LRRC4C: variants seen among roughly 807,000 people sequenced by gnomAD.
LRRC4C encodes the protein leucine-rich repeat-containing protein 4C.
Under a neutral mutation model 33.6 loss-of-function variants are expected in LRRC4C, and 5 were observed. That is an observed-to-expected ratio of 0.15 (90% confidence interval 0.08 to 0.31). The LOEUF is 0.31. Ranked by LOEUF, LRRC4C falls within the 10% of genes least tolerant of loss-of-function variation. LRRC4C has a pLI of 1.00. For missense variants in LRRC4C, 560 were observed against 796.7 expected, an observed-to-expected ratio of 0.70 and a Z score of 3.58; for synonymous variants, 329 against 302.0, an observed-to-expected ratio of 1.09 and a Z score of -0.93.
intron 1 of LRRC4C, among the ~76,000 whole-genome samples, chr11:41,401,061 GATAA>G: frequency 6.6e-6 from 1 of 151,928 alleles, no homozygotes; most frequent in Admixed American, 6.6e-5. Context: ...ATTGTAATAT[GATAA>G]AGAGAAGACT....
chr11:40,757,391 A>T (rs1415400576), intron 2 of LRRC4C, among the ~76,000 whole-genome samples: 1 of 152,046 alleles, frequency 6.6e-6, no homozygotes, highest in Non-Finnish European at 1.5e-5. Context: ...GTACCCATGG[A>T]TGAATATTCA....
chr11:41,203,900 C>T (rs184509440), intron 1 of LRRC4C, among the ~76,000 whole-genome samples: 28 of 152,256 alleles, frequency 1.8e-4, no homozygotes, highest in Admixed American at 2.6e-4. Context: ...TCTGGAAAAT[C>T]GCTGACAGGT....
chr11:41,281,042 T>TTCTCTCTCTCTCTCTCTCTCTCTCTCTC (rs71063910), intron 1 of LRRC4C, among the ~76,000 whole-genome samples: 2 of 76,216 alleles, frequency 2.6e-5, no homozygotes, highest in Non-Finnish European at 4.7e-5. Context: ...AATACATATT[T>TTCTCTCTCTCTCTCTCTCTCTCTCTCTC]TCTCTCTCTC....
intron 2 of LRRC4C, among the ~76,000 whole-genome samples, chr11:40,894,106 T>C (rs1045591049): frequency 2.0e-5 from 3 of 152,280 alleles, no homozygotes; most frequent in Non-Finnish European, 4.4e-5. Context: ...GATCAATTTT[T>C]TCCTTACCTA....
chr11:40,380,228 A>T (rs912718536), intron 3 of LRRC4C, among the ~76,000 whole-genome samples: 1 of 152,190 alleles, frequency 6.6e-6, no homozygotes, highest in Non-Finnish European at 1.5e-5. Context: ...GGCGTTCTAG[A>T]TGGAGAGAAC....
intron 1 of LRRC4C, among the ~76,000 whole-genome samples, chr11:41,347,709 G>A (rs1045536850): frequency 2.0e-5 from 3 of 152,140 alleles, no homozygotes; most frequent in Non-Finnish European, 4.4e-5. Context: ...CCTTTAAAAC[G>A]TGTTGCATAA....
At chr11:40,297,299 A>G (rs927955644) in intron 4 of LRRC4C, among the ~76,000 whole-genome samples, 1 of 152,204 alleles carries the variant, frequency 6.6e-6, no homozygotes, top group African/African-American at 2.4e-5. Flanking sequence ...TTCACTTCCA[A>G]TAGTATTACA....
At chr11:40,795,417 C>G (rs1267601237) in intron 2 of LRRC4C, among the ~76,000 whole-genome samples, 1 of 152,078 alleles carries the variant, frequency 6.6e-6, no homozygotes, top group East Asian at 1.9e-4. Flanking sequence ...GTAGTCCCAG[C>G]TACTCGGGAG....
chr11:41,328,869 C>A (rs533492816), intron 1 of LRRC4C, among the ~76,000 whole-genome samples: 1 of 152,142 alleles, frequency 6.6e-6, no homozygotes, highest in African/African-American at 2.4e-5. Context: ...GTGGTTTGGA[C>A]ATTTTATCCT....
intron 2 of LRRC4C, among the ~76,000 whole-genome samples, chr11:40,747,194 G>A (rs1948471111): frequency 6.6e-6 from 1 of 152,094 alleles, no homozygotes; most frequent in Admixed American, 6.6e-5. Flanking sequence ...GCCACCACTG[G>A]GGCCCAAAGA....
intron 1 of LRRC4C, among the ~76,000 whole-genome samples, chr11:40,984,437 G>T (rs1301408718): frequency 6.7e-6 from 1 of 149,374 alleles, no homozygotes; most frequent in African/African-American, 2.6e-5. Flanking sequence ...AAGAGAAAAA[G>T]AAAGAAAGAA....
chr11:40,438,676 G>A (rs909919497), intron 3 of LRRC4C, among the ~76,000 whole-genome samples: 7 of 152,176 alleles, frequency 4.6e-5, no homozygotes, highest in Non-Finnish European at 1.0e-4. Flanking sequence ...ATGTTAATGA[G>A]AGATGAATTT....
chr11:40,439,471 TGAGACGGAGTCTCATTC>T (rs1182081703), intron 3 of LRRC4C, among the ~76,000 whole-genome samples: 7 of 150,848 alleles, frequency 4.6e-5, no homozygotes, highest in Admixed American at 2.6e-4. Context: ...TTTTTTTTTT[TGAGACGGAGTCTCATTC>T]TGTCGCCCAG....
intron 5 of LRRC4C, among the ~76,000 whole-genome samples, chr11:40,143,316 CT>C (rs1290934109): frequency 6.6e-6 from 1 of 152,194 alleles, no homozygotes; most frequent in African/African-American, 2.4e-5. Context: ...CATGTTCCTT[CT>C]CAATGCTCAA....
At chr11:40,700,881 C>T (rs1214458064) in intron 2 of LRRC4C, among the ~76,000 whole-genome samples, 4 of 152,168 alleles carry the variant, frequency 2.6e-5, no homozygotes, top group East Asian at 1.9e-4. Context: ...GTTTATTCAT[C>T]CCTTTATGCA....
chr11:41,120,723 T>C (rs1244189922), intron 1 of LRRC4C, among the ~76,000 whole-genome samples: 1 of 152,144 alleles, frequency 6.6e-6, no homozygotes, highest in African/African-American at 2.4e-5. Flanking sequence ...CTAAGTGATA[T>C]GGTTCTGTGT....
chr11:41,249,220 G>A (rs1948556765), intron 1 of LRRC4C, among the ~76,000 whole-genome samples: 1 of 152,014 alleles, frequency 6.6e-6, no homozygotes, highest in South Asian at 2.1e-4. Context: ...ATTTTTAGTA[G>A]AGACGGGATT....
intron 3 of LRRC4C, among the ~76,000 whole-genome samples, chr11:40,333,847 T>C (rs117636728): frequency 6.6e-6 from 1 of 151,838 alleles, no homozygotes; most frequent in African/African-American, 2.4e-5. Context: ...AGTGGTCAGA[T>C]CACCGCTAAG....
chr11:40,996,818 C>T (rs1260563330), intron 1 of LRRC4C, among the ~76,000 whole-genome samples: 2 of 152,050 alleles, frequency 1.3e-5, no homozygotes, highest in African/African-American at 4.8e-5. Flanking sequence ...ATGGCCAGCT[C>T]TCTCATAAAC....
Sources: allele counts gnomAD v4.1 joint callset (sites outside exome capture counted in the v4.1 genomes callset), GRCh38; gene constraint gnomAD v4.1.1; transcripts MANE v1.5; gene names NCBI Gene and HGNC (gene_info 2026-07-23, HGNC 2026-07-21).